Variants in DIPK1C observed in about 807,000 individuals in gnomAD.
DIPK1C encodes familial non-conventional Alzheimer's dementia.
In DIPK1C, 33 loss-of-function variants were observed where a neutral mutation model predicts 28.0. The observed-to-expected ratio is 1.18, with a 90% confidence interval of 0.89 to 1.58. The LOEUF (loss-of-function observed/expected upper bound fraction) is 1.58, where lower values mean the gene tolerates loss of function less well. Among genes scored for constraint, DIPK1C ranks in the 40% most tolerant of loss-of-function variants. DIPK1C has a pLI of 0.00. For synonymous variants in DIPK1C, 255 were observed against 248.8 expected, an observed-to-expected ratio of 1.02 and a Z score of -0.23; for missense variants, 569 against 568.5, an observed-to-expected ratio of 1.00 and a Z score of -0.01.
chr18:74,460,414 C>T (rs1302459233), upstream of DIPK1C, among the ~76,000 whole-genome samples: 3 of 152,216 alleles, frequency 2.0e-5, no homozygotes, highest in Non-Finnish European at 2.9e-5. Context: ...TGTACACACA[C>T]ACAAAATCTG....
In DIPK1C at chr18:74,436,680, G is replaced by A. The variant is rs1568260410; in HGVS notation, c.1081C>T (p.Pro361Ser). 2 of 1,613,916 alleles carry A rather than the reference G, an allele frequency of 1.2e-6. No homozygotes were observed. The highest frequency in any genetic ancestry group is 1.1e-5 in the South Asian group (1 of 91,022). The stretch of plus-strand genomic sequence containing the variant: ...AAAGAGACCGCAGAGCTCTTGAGAG[G>A]CGCGGAAAACCAATGGCGAAATATT... ...DKIFRHWFSA[P>S]LKSSAVSFQL... Residue 361 changes from proline (P) to serine (S), a missense_variant, in exon 4 of 4, where the codon CCT becomes TCT. Physicochemically the swap from Pro to Ser is moderately conservative, Grantham distance 74. Transcript: ENST00000343998.
upstream of DIPK1C, among the ~76,000 whole-genome samples, chr18:74,458,849 C>T (rs1986574482): frequency 6.6e-6 from 1 of 151,950 alleles, no homozygotes; most frequent in South Asian, 2.1e-4. Context: ...AATTCAAGGC[C>T]AAGCCTGCTG....
chr18:74,458,592 A>T (rs545066668), upstream of DIPK1C, among the ~76,000 whole-genome samples: 1 of 15,350 alleles, frequency 6.5e-5, no homozygotes, highest in South Asian at 1.9e-3. Context: ...CCCCGAATGC[A>T]ACAGACCCTT....
In DIPK1C at chr18:74,446,859, T is replaced by C; in HGVS notation, c.623A>G (p.His208Arg). The change falls in exon 2 of 4, where the codon CAC (histidine) becomes CGC (arginine). Residue 208 changes from histidine to arginine, a missense_variant. Coordinates refer to ENST00000343998, the MANE Select transcript of DIPK1C (RefSeq NM_001044369.3). ...YFSLLQDLSP[H>R]VLPVLGSCGH... is the part of the protein sequence containing the mutation. Reference sequence around the variant, plus strand: ...GCAGGAACCCAGCACGGGCAGCACGTGTGGGCTCAGGTCCTGCAGCAGGCT... The same window carrying C: ...GCAGGAACCCAGCACGGGCAGCACGCGTGGGCTCAGGTCCTGCAGCAGGCT... 6.6e-7 allele frequency: 1 copy of C among 1,515,786 alleles called. No homozygotes were observed. The highest frequency in any genetic ancestry group is 8.9e-7 in the Non-Finnish European group (1 of 1,127,418). The allele number at this position is 1,515,786 out of a possible 1,614,324, so 93.9% of individuals were successfully genotyped here.
At position 74,435,057 on chromosome 18, in the gene DIPK1C, A is replaced by G. The variant is rs1055842642; in HGVS notation, c.*1444T>C. ...CATTTCTCAGCGTGCCCTGAAGGGC[A>G]GAGTCAGTAAATGTGACCCCAAAGT... On this transcript the variant is annotated 3_prime_UTR_variant, in exon 4 of 4. Coordinates refer to ENST00000343998, the MANE Select transcript of DIPK1C (RefSeq NM_001044369.3). 5 of 152,254 alleles carry G rather than the reference A, an allele frequency of 3.3e-5. No homozygotes were observed. Among genetic ancestry groups the G allele is most frequent in the South Asian group, 2.1e-4 (1 of 4,832 alleles). The allele number at this position is 152,254 out of a possible 1,614,324, so 9.4% of individuals were successfully genotyped here.
At chr18:74,443,533 A>G (rs1010056032) in intron 2 of DIPK1C, among the ~76,000 whole-genome samples, 1 of 152,238 alleles carries the variant, frequency 6.6e-6, no homozygotes, top group Admixed American at 6.5e-5. Context: ...GATTGATGCT[A>G]GAAGGCAATG....
chr18:74,461,510 C>T (rs530495848), upstream of DIPK1C, among the ~76,000 whole-genome samples: 2 of 151,778 alleles, frequency 1.3e-5, no homozygotes, highest in South Asian at 2.1e-4. Context: ...TCAAGCAATC[C>T]TCCTGCCTGG....
chr18:74,455,059 C>G (rs118108146), intron 1 of DIPK1C, among the ~76,000 whole-genome samples: 4,901 of 152,246 alleles, frequency 0.032, 104 homozygotes, highest in Non-Finnish European at 0.047. Flanking sequence ...ACTGCCAAAC[C>G]TTCGATCTTC....
At position 74,434,914 on chromosome 18, in the gene DIPK1C, G is replaced by A. The variant is rs1391099965; in HGVS notation, c.*1587C>T. The A allele has an allele frequency of 6.6e-6, 1 of 152,240 alleles. No individual in the cohort carries two copies. Among genetic ancestry groups the A allele is most frequent in the African/African-American group, 2.4e-5 (1 of 41,446 alleles). The allele number at this position is 152,240 out of a possible 1,614,324, so 9.4% of individuals were successfully genotyped here. A position where few individuals can be genotyped will look rare whatever the true frequency, so the allele number is the denominator to read the frequency against. The stretch of plus-strand genomic sequence containing the variant: ...CCCTCTATGGAACTCTGTGTCATTT[G>A]GAAGATCCCCAGTGGTGATGGGTAA... On this transcript the variant is annotated 3_prime_UTR_variant, in exon 4 of 4. Coordinates refer to ENST00000343998, the MANE Select transcript of DIPK1C (RefSeq NM_001044369.3).
At chr18:74,448,041 G>A (rs1271200552) in intron 1 of DIPK1C, among the ~76,000 whole-genome samples, 2 of 152,110 alleles carry the variant, frequency 1.3e-5, no homozygotes, top group Admixed American at 1.3e-4. Flanking sequence ...AACCTCAGGA[G>A]GCCTTAAGAT....
At position 74,447,526 on chromosome 18, in the gene DIPK1C, A is replaced by C. The variant is rs926947665; in HGVS notation, c.199-243T>G. Among the ~76,000 whole-genome samples, 1 of 152,168 alleles carries C rather than the reference A, an allele frequency of 6.6e-6. No homozygotes were observed. Among genetic ancestry groups the C allele is most frequent in the Non-Finnish European group, 1.5e-5 (1 of 68,020 alleles). Reference sequence around the variant, plus strand: ...GTCAGGCCTAGGACGGGTCTACAGAATCAGGACACCTGCGGCCGGGAAGCA... The same window carrying C: ...GTCAGGCCTAGGACGGGTCTACAGACTCAGGACACCTGCGGCCGGGAAGCA... On this transcript the variant is annotated intron_variant, in intron 1 of 3. Transcript: ENST00000343998. The surrounding 1 kb of genome is among the most constrained non-coding windows in gnomAD (Gnocchi z 4.1).
At position 74,436,400 on chromosome 18, in the gene DIPK1C, C is replaced by A; in HGVS notation, c.*101G>T. On this transcript the variant is annotated 3_prime_UTR_variant, in exon 4 of 4. Coordinates refer to ENST00000343998, the MANE Select transcript of DIPK1C (RefSeq NM_001044369.3). ...ACAATGTGGAGACCAGAACGGCACC[C>A]CAGAGAGCACAGGGGAAATGGCTCA... 2 of 1,215,020 alleles carry A rather than the reference C, an allele frequency of 1.6e-6. No individual in the cohort carries two copies. Among genetic ancestry groups the A allele is most frequent in the South Asian group, 3.1e-5 (2 of 65,362 alleles). 75.3% of individuals were successfully genotyped at this position (1,215,020 alleles called of 1,614,324 possible).
At chr18:74,455,132 T>G (rs1358594708) in intron 1 of DIPK1C, among the ~76,000 whole-genome samples, 1 of 152,180 alleles carries the variant, frequency 6.6e-6, no homozygotes, top group Non-Finnish European at 1.5e-5. Context: ...TGGCTGCCAT[T>G]GAAGATATAT....
intron 1 of DIPK1C, among the ~76,000 whole-genome samples, chr18:74,452,059 C>G (rs879264970): frequency 6.6e-6 from 1 of 152,156 alleles, no homozygotes; most frequent in African/African-American, 2.4e-5. Context: ...GACTATCTCA[C>G]GTAATTTATT....
chr18:74,441,450 G>T (rs1388180583), intron 3 of DIPK1C, among the ~76,000 whole-genome samples: 1 of 152,140 alleles, frequency 6.6e-6, no homozygotes, highest in Admixed American at 6.5e-5. Context: ...CCTGAACCCT[G>T]TATGTATTCC....
chr18:74,436,547 T>G lies in DIPK1C; in HGVS notation c.1214A>C (p.Gln405Pro), dbSNP rs2278154. Residue 405 changes from glutamine (Q) to proline (P), a missense_variant, in exon 4 of 4, where the codon CAA (glutamine) becomes CCA (proline). By Grantham distance (76) the Gln-to-Pro change is moderately conservative (BLOSUM62 -1). Coordinates refer to ENST00000343998, the MANE Select transcript of DIPK1C (RefSeq NM_001044369.3). ...AASSVFWKLR[Q>P]LLQATLRELQ... ...CTCCCTCAGTGTGGCTTGGAGGAGT[T>G]GGCGAAGCTTCCAGAACACGCTGGA... 6.2e-7 allele frequency: 1 copy of G among 1,602,674 alleles called. No homozygotes were observed. Among genetic ancestry groups the G allele is most frequent in the South Asian group, 1.1e-5 (1 of 89,436 alleles).
In DIPK1C at chr18:74,457,276, G is replaced by A. The variant is rs1458738006; in HGVS notation, c.-17C>T. 6 of 985,608 alleles carry A rather than the reference G, an allele frequency of 6.1e-6. No individual in the cohort carries two copies. Among genetic ancestry groups the A allele is most frequent in the Non-Finnish European group, 6.0e-6 (5 of 830,952 alleles). 61.1% of individuals were successfully genotyped at this position (985,608 alleles called of 1,614,324 possible). A position where few individuals can be genotyped will look rare whatever the true frequency, so the allele number is the denominator to read the frequency against. Reference sequence around the variant, plus strand: ...CCGCGCCATGGCCAGCCCTGCCCGCGCCCGGGCCCCACCGCCGCCCGCGCC... The same window carrying A: ...CCGCGCCATGGCCAGCCCTGCCCGCACCCGGGCCCCACCGCCGCCCGCGCC... On this transcript the variant is annotated 5_prime_UTR_variant, in exon 1 of 4. Transcript: ENST00000343998.
rs546658183 is a variant in DIPK1C, at chr18:74,444,556, G to A, written c.876+2050C>T. On this transcript the variant is annotated intron_variant, in intron 2 of 3. Transcript: ENST00000343998. Reference sequence around the variant, plus strand: ...AGGGATTGCTGGCTCCCACCCCATCGTTTCAGATTCAATAGGTCTGGCGTG... The same window carrying A: ...AGGGATTGCTGGCTCCCACCCCATCATTTCAGATTCAATAGGTCTGGCGTG... Among the ~76,000 whole-genome samples the A allele has an allele frequency of 5.3e-5, 8 of 152,296 alleles. No individual in the cohort carries two copies. The East Asian group carries it at 7.7e-4, about 15-fold the overall frequency.
the DIPK1C span, among the ~76,000 whole-genome samples, chr18:74,464,160 G>C: frequency 5.3e-5 from 8 of 152,256 alleles, no homozygotes; most frequent in Admixed American, 4.6e-4. Flanking sequence ...TATTGCATAG[G>C]AGAGTTGGTG....
Sources: gnomAD v4.1 joint callset for allele counts (sites outside exome capture counted in the v4.1 genomes callset) on GRCh38, gnomAD v4.1.1 for gene constraint, Gnocchi (gnomAD v3.1) non-coding constraint, MANE v1.5 for transcripts, NCBI Gene and HGNC (gene_info 2026-07-23, HGNC 2026-07-21) for gene names.